Variants in NAALADL2 observed in about 807,000 individuals in gnomAD.
NAALADL2 encodes inactive N-acetylated-alpha-linked acidic dipeptidase-like protein 2.
Under a neutral mutation model 87.2 loss-of-function variants are expected in NAALADL2, and 76 were observed. The ratio of observed to expected loss-of-function variants is 0.87; its 90% CI spans 0.72 to 1.05. NAALADL2 has a LOEUF of 1.05. NAALADL2 is among the 50% of genes least tolerant of loss of function. The probability of loss-of-function intolerance (pLI) is 0.00; values close to 1 mark genes in which losing one functional copy is unlikely to be tolerated. For synonymous variants in NAALADL2, 354 were observed against 331.0 expected, an observed-to-expected ratio of 1.07 and a Z score of -0.75; for missense variants, 1,089 against 945.8, an observed-to-expected ratio of 1.15 and a Z score of -1.99.
intron 10 of NAALADL2, among the ~76,000 whole-genome samples, chr3:175,580,751 AT>A (rs1466554898): frequency 6.6e-6 from 1 of 152,072 alleles, no homozygotes; most frequent in Non-Finnish European, 1.5e-5. Context: ...TTTGTAACTT[AT>A]TTTTTTAAAA....
At chr3:174,530,394 C>A (rs1329235074) in intron 1 of NAALADL2, among the ~76,000 whole-genome samples, 1 of 152,156 alleles carries the variant, frequency 6.6e-6, no homozygotes, top group Non-Finnish European at 1.5e-5. Context: ...GAGCTCCCAA[C>A]TTTCCCAAAT....
At chr3:175,313,596 A>T (rs1173027726) in intron 4 of NAALADL2, among the ~76,000 whole-genome samples, 1 of 152,240 alleles carries the variant, frequency 6.6e-6, no homozygotes, top group Non-Finnish European at 1.5e-5. Flanking sequence ...ATTTAGGAGC[A>T]TCTGTGAATG....
At chr3:175,116,455 C>A in intron 2 of NAALADL2, among the ~76,000 whole-genome samples, 1 of 150,078 alleles carries the variant, frequency 6.7e-6, no homozygotes, top group African/African-American at 2.5e-5. Context: ...AAACAGAGAG[C>A]CAAATCATGA....
chr3:175,025,836 G>A (rs1392037321), intron 1 of NAALADL2, among the ~76,000 whole-genome samples: 7 of 152,018 alleles, frequency 4.6e-5, no homozygotes, highest in African/African-American at 1.7e-4. Context: ...TTGAGAAAGG[G>A]TCTCACTTTG....
intron 2 of NAALADL2, among the ~76,000 whole-genome samples, chr3:174,721,755 C>T (rs1216629293): frequency 6.6e-6 from 1 of 152,150 alleles, no homozygotes; most frequent in Non-Finnish European, 1.5e-5. Flanking sequence ...CTGGTTCTCC[C>T]AGCCCAGAAT....
At chr3:174,463,747 C>T (rs377742948) in intron 1 of NAALADL2, among the ~76,000 whole-genome samples, 1 of 151,650 alleles carries the variant, frequency 6.6e-6, no homozygotes, top group Non-Finnish European at 1.5e-5. Flanking sequence ...ACTACAGGCG[C>T]CCACCACCAC....
At chr3:175,674,989 A>C (rs1431132095) in intron 11 of NAALADL2, 2 of 152,218 alleles carry the variant, frequency 1.3e-5, no homozygotes, top group East Asian at 3.9e-4. Flanking sequence ...TGCTTTTATC[A>C]AACTTTCTAA....
chr3:175,287,277 A>G (rs916783664), intron 4 of NAALADL2, among the ~76,000 whole-genome samples: 2 of 152,152 alleles, frequency 1.3e-5, no homozygotes, highest in South Asian at 2.1e-4. Flanking sequence ...TTGAATTTTT[A>G]TTTTAAAAAA....
rs1051169127 is a variant in NAALADL2 at position 175,176,227 on chromosome 3, C to A, written c.546-57704C>A. Among the ~76,000 whole-genome samples the A allele has an allele frequency of 2.6e-5, 4 of 151,754 alleles. No individual in the cohort carries two copies. In the South Asian group the frequency reaches 8.3e-4, roughly 32 times the overall value. On this transcript the variant is annotated intron_variant, in intron 2 of 13. Transcript: ENST00000454872. The stretch of plus-strand genomic sequence containing the variant: ...TTTTTTTTTTCAGAATTTAGATTTC[C>A]TTTCATTTTAATGAATTGTCGCTCA...
At chr3:174,745,188 A>G (rs1734132528) in intron 3 of NAALADL2, among the ~76,000 whole-genome samples, 1 of 152,080 alleles carries the variant, frequency 6.6e-6, no homozygotes, top group Non-Finnish European at 1.5e-5. Flanking sequence ...AATAAAATAG[A>G]CCACAAGCTA....
At position 175,718,131 on chromosome 3, in the gene NAALADL2, A is replaced by T. The variant is rs1256434109; in HGVS notation, c.1897-19175A>T. ...TGAGGTCTACAAGACGTATCTAGAAAATTTACTACTGTGGAAAATGAAGAC... is the reference window on the plus strand; with the variant it reads ...TGAGGTCTACAAGACGTATCTAGAATATTTACTACTGTGGAAAATGAAGAC... On this transcript the variant is annotated intron_variant, in intron 11 of 13. Transcript: ENST00000454872. The T allele has an allele frequency of 2.9e-6, 3 of 1,039,698 alleles. No individual in the cohort carries two copies. In the East Asian group the frequency reaches 7.7e-5, roughly 27 times the overall value. 64.4% of individuals were successfully genotyped at this position (1,039,698 alleles called of 1,614,324 possible).
chr3:174,643,724 G>A (rs1723492741), intron 2 of NAALADL2, among the ~76,000 whole-genome samples: 1 of 152,136 alleles, frequency 6.6e-6, no homozygotes, highest in South Asian at 2.1e-4. Flanking sequence ...TTTTGAGCAT[G>A]CAGAATCAAA....
At chr3:174,824,173 T>C (rs1283741706) in intron 3 of NAALADL2, among the ~76,000 whole-genome samples, 1 of 152,198 alleles carries the variant, frequency 6.6e-6, no homozygotes, top group African/African-American at 2.4e-5. Context: ...TATTTAATTA[T>C]GTGTCATTTG....
At chr3:174,725,619 ATAT>A (rs1419764237) in intron 2 of NAALADL2, among the ~76,000 whole-genome samples, 1 of 152,194 alleles carries the variant, frequency 6.6e-6, no homozygotes, top group African/African-American at 2.4e-5. Context: ...ACTGAATCTG[ATAT>A]TATTGCAAAA....
intron 5 of NAALADL2, among the ~76,000 whole-genome samples, chr3:175,380,735 CA>C (rs1316279857): frequency 6.6e-6 from 1 of 151,916 alleles, no homozygotes; most frequent in African/African-American, 2.4e-5. Flanking sequence ...TGAGAAACTG[CA>C]AAAAATATAC....
At chr3:175,457,366 A>C (rs1722468970) in intron 6 of NAALADL2, among the ~76,000 whole-genome samples, 1 of 151,958 alleles carries the variant, frequency 6.6e-6, no homozygotes. Flanking sequence ...CTCCCTATTG[A>C]AGTTACTTTA....
At chr3:175,462,413 C>A (rs969648182) in intron 6 of NAALADL2, among the ~76,000 whole-genome samples, 2 of 152,062 alleles carry the variant, frequency 1.3e-5, no homozygotes, top group Non-Finnish European at 2.9e-5. Context: ...ATTCAGTATA[C>A]GGATTTTCCA....
In NAALADL2 at chr3:175,755,219, G is replaced by C. The variant is rs1379979987; in HGVS notation, c.1991-1G>C. 6.2e-7 allele frequency: 1 copy of C among 1,606,242 alleles called. No individual in the cohort carries two copies. The highest frequency in any genetic ancestry group is 1.7e-5 in the Admixed American group (1 of 59,242). ...GAGATGGGCTCATTTATCTTCACCA[G>C]GTGATCAACCCAACACTCATCAACT... On this transcript the variant is annotated splice_acceptor_variant, in intron 12 of 13. Transcript: ENST00000454872. LOFTEE classifies it high-confidence loss of function.
intron 1 of NAALADL2, among the ~76,000 whole-genome samples, chr3:175,067,169 T>G (rs1334673673): frequency 6.6e-6 from 1 of 152,130 alleles, no homozygotes; most frequent in Non-Finnish European, 1.5e-5. Context: ...GACACCATTC[T>G]GGACGTGGGC....
Sources: gnomAD v4.1 joint callset for allele counts (sites outside exome capture counted in the v4.1 genomes callset) on GRCh38, gnomAD v4.1.1 for gene constraint, MANE v1.5 for transcripts, NCBI Gene and HGNC (gene_info 2026-07-23, HGNC 2026-07-21) for gene names.